Variants in DPYSL2 observed in about 807,000 individuals in gnomAD.
DPYSL2 encodes dihydropyrimidinase like 2.
DPYSL2 carries 13 observed loss-of-function variants against 69.9 expected under a neutral mutation model. That is an observed-to-expected ratio of 0.19 (90% CI 0.12 to 0.30). DPYSL2 has a LOEUF of 0.30. Ranked by LOEUF, DPYSL2 falls within the 10% of genes least tolerant of loss-of-function variation. The pLI, the probability that DPYSL2 is intolerant of heterozygous loss-of-function variation, is 1.00. For missense variants in DPYSL2, 587 were observed against 918.9 expected, an observed-to-expected ratio of 0.64 and a Z score of 4.67; for synonymous variants, 326 against 359.1, an observed-to-expected ratio of 0.91 and a Z score of 1.04.
intron 7 of DPYSL2, among the ~76,000 whole-genome samples, chr8:26,629,833 T>C (rs2129924635): frequency 6.6e-6 from 1 of 152,340 alleles, no homozygotes; most frequent in East Asian, 1.9e-4. Flanking sequence ...GGGCTCAAGC[T>C]ATCCTCCCAC....
intron 3 of DPYSL2, among the ~76,000 whole-genome samples, chr8:26,606,224 T>C: frequency 6.6e-6 from 1 of 152,306 alleles, no homozygotes; most frequent in South Asian, 2.1e-4. Context: ...ATTCATAGTA[T>C]TATATTAGAA....
intron 11 of DPYSL2, among the ~76,000 whole-genome samples, chr8:26,649,925 G>A (rs1205547432): frequency 6.6e-6 from 1 of 152,158 alleles, no homozygotes; most frequent in African/African-American, 2.4e-5. Flanking sequence ...GAGTCATGGG[G>A]CTGGTTCTTC....
rs1020968567 is a variant in DPYSL2 at position 26,650,677 on chromosome 8, A to G, written c.1597-1580A>G. 6.6e-6 allele frequency among the ~76,000 whole-genome samples: 1 copy of G among 152,234 alleles called. No individual in the cohort carries two copies. The highest frequency in any genetic ancestry group is 1.5e-5 in the Non-Finnish European group (1 of 68,036). On this transcript the variant is annotated intron_variant, in intron 11 of 13. Coordinates refer to ENST00000521913, the MANE Select transcript of DPYSL2 (RefSeq NM_001197293.3). The surrounding 1 kb of genome is among the most constrained non-coding windows in gnomAD (Gnocchi z 5.3). ...GAGGAGTCTCATAGGAGACTGGGCC[A>G]CCAAGGGCCAGCGTGTGCTTATTAT...
rs190790733 is a variant in DPYSL2, at chr8:26,607,580, A to G, written c.629-16563A>G. Reference sequence around the variant, plus strand: ...TGAGATGGAAGGATTGCTTGAGCCCAGAAATTCAAGACCAGCCTGGGAAGC... The same window carrying G: ...TGAGATGGAAGGATTGCTTGAGCCCGGAAATTCAAGACCAGCCTGGGAAGC... On this transcript the variant is annotated intron_variant, in intron 3 of 13. Transcript: ENST00000521913. Among the ~76,000 whole-genome samples the G allele has an allele frequency of 1.7e-3, 257 of 151,982 alleles. 1 individual carries two copies. Among genetic ancestry groups the G allele is most frequent in the African/African-American group, 5.5e-3 (228 of 41,436 alleles).
At chr8:26,520,718 G>A (rs955809602) in intron 1 of DPYSL2, among the ~76,000 whole-genome samples, 4 of 152,122 alleles carry the variant, frequency 2.6e-5, no homozygotes, top group African/African-American at 9.7e-5. Context: ...CATTGTCTTA[G>A]GCTGTGACAA....
chr8:26,653,214 G>A lies in DPYSL2; in HGVS notation c.1777-18G>A, dbSNP rs754236747. On this transcript the variant is annotated intron_variant, in intron 12 of 13. Coordinates refer to ENST00000521913, the MANE Select transcript of DPYSL2 (RefSeq NM_001197293.3). This position sits in a 1 kb window ranked among gnomAD's most constrained non-coding sequence, Gnocchi z 5.7. Reference sequence around the variant, plus strand: ...CTGTGGCTGTGGCCTGAGCTGGGGGGACTCTTGTGTTTTGCAGCTGGCTGA... The same window carrying A: ...CTGTGGCTGTGGCCTGAGCTGGGGGAACTCTTGTGTTTTGCAGCTGGCTGA... The A allele has an allele frequency of 4.3e-6, 7 of 1,611,780 alleles. No individual in the cohort carries two copies. Among genetic ancestry groups the A allele is most frequent in the African/African-American group, 2.7e-5 (2 of 74,886 alleles).
chr8:26,579,857 T>G (rs576949706), intron 1 of DPYSL2, among the ~76,000 whole-genome samples: 1 of 146,452 alleles, frequency 6.8e-6, no homozygotes, highest in Non-Finnish European at 1.5e-5. Flanking sequence ...TCTTCGTGAA[T>G]GAACAAGGCA....
chr8:26,529,276 CATCT>C (rs1554531947), intron 1 of DPYSL2, among the ~76,000 whole-genome samples: 2,873 of 136,100 alleles, frequency 0.021, 61 homozygotes, highest in African/African-American at 0.04. Flanking sequence ...ATCTATCTAT[CATCT>C]ATCTATCTAT....
chr8:26,592,200 C>T (rs548253211), intron 3 of DPYSL2, among the ~76,000 whole-genome samples: 41 of 152,302 alleles, frequency 2.7e-4, no homozygotes, highest in Non-Finnish European at 3.7e-4. Flanking sequence ...CTCACTCTAT[C>T]ACCCAGGCTG....
rs1289856680 is a variant in DPYSL2 at position 26,517,914 on chromosome 8, C to A, written c.354+3235C>A. ...TTGAATCTCTTCTGGCCCTGGGAGC[C>A]CAGTGCTGTGCTGCCCTCTAACTGT... On this transcript the variant is annotated intron_variant, in intron 1 of 13. Coordinates refer to ENST00000521913, the MANE Select transcript of DPYSL2 (RefSeq NM_001197293.3). This position sits in a 1 kb window ranked among gnomAD's most constrained non-coding sequence, Gnocchi z 4.2. Among the ~76,000 whole-genome samples, 3 of 152,202 alleles carry A rather than the reference C, an allele frequency of 2.0e-5. No individual in the cohort carries two copies. Among genetic ancestry groups the A allele is most frequent in the Non-Finnish European group, 4.4e-5 (3 of 68,040 alleles).
chr8:26,640,468 G>T lies in DPYSL2; in HGVS notation c.1127-2971G>T, dbSNP rs1357628700. 6.6e-6 allele frequency among the ~76,000 whole-genome samples: 1 copy of T among 152,136 alleles called. No individual in the cohort carries two copies. The highest frequency in any genetic ancestry group is 6.5e-5 in the Admixed American group (1 of 15,268). On this transcript the variant is annotated intron_variant, in intron 8 of 13. Coordinates refer to ENST00000521913, the MANE Select transcript of DPYSL2 (RefSeq NM_001197293.3). This position sits in a 1 kb window ranked among gnomAD's most constrained non-coding sequence, Gnocchi z 4.2. ...TTATTATTAGTGGTAATTATTTCTG[G>T]CATGCAGTTCAAGGGTGTCTGTGGC...
chr8:26,555,945 T>C (rs912501892), intron 1 of DPYSL2, among the ~76,000 whole-genome samples: 2 of 128,182 alleles, frequency 1.6e-5, no homozygotes, highest in Non-Finnish European at 3.1e-5. Flanking sequence ...ATACTATATA[T>C]ACATATACAT....
chr8:26,550,331 G>A (rs1800854006), intron 1 of DPYSL2, among the ~76,000 whole-genome samples: 1 of 151,980 alleles, frequency 6.6e-6, no homozygotes, highest in African/African-American at 2.4e-5. Flanking sequence ...GTTACATAAA[G>A]TAATCAATTA....
Position 26,643,909 on chromosome 8 carries a change from T to C in DPYSL2, c.1284-41T>C. On this transcript the variant is annotated intron_variant, in intron 9 of 13. Coordinates refer to ENST00000521913, the MANE Select transcript of DPYSL2 (RefSeq NM_001197293.3). This position sits in a 1 kb window ranked among gnomAD's most constrained non-coding sequence, Gnocchi z 6.5. The stretch of plus-strand genomic sequence containing the variant: ...CAAATAGGTGTAGGCGCACAGCATC[T>C]TGACGAAGCTGCAGCACCACGTTAT... 1.3e-6 allele frequency: 2 copies of C among 1,599,588 alleles called. No individual in the cohort carries two copies. The highest frequency in any genetic ancestry group is 3.4e-5 in the Admixed American group (2 of 58,912).
In DPYSL2 at chr8:26,640,231, C is replaced by T. The variant is rs908617751; in HGVS notation, c.1127-3208C>T. On this transcript the variant is annotated intron_variant, in intron 8 of 13. Transcript: ENST00000521913. The surrounding 1 kb of genome is among the most constrained non-coding windows in gnomAD (Gnocchi z 4.2). ...TCCATTTATTCTTCATGAATGCACA[C>T]GGGCCCCAGACTGGTTGTAAATAAG... Among the ~76,000 whole-genome samples the T allele has an allele frequency of 7.2e-5, 11 of 152,202 alleles. No homozygotes were observed. Among genetic ancestry groups the T allele is most frequent in the South Asian group, 2.1e-4 (1 of 4,824 alleles).
In DPYSL2 at chr8:26,652,417, G is replaced by T; in HGVS notation, c.1757G>T (p.Arg586Leu). The T allele has an allele frequency of 6.2e-7, 1 of 1,613,066 alleles. No homozygotes were observed. The highest frequency in any genetic ancestry group is 8.5e-7 in the Non-Finnish European group (1 of 1,179,512). The stretch of plus-strand genomic sequence containing the variant: ...CCCTTCCCTGATTTTGTTTACAAGC[G>T]TATCAAGGCAAGGAGCAGGGTGAGT... ...RKPFPDFVYK[R>L]IKARSRLAEL... The change falls in exon 12 of 14, where the codon CGT becomes CTT. Residue 586 changes from arginine to leucine, a missense_variant. Arg to Leu is a moderately radical substitution (Grantham distance 102). This residue lies in a region of DPYSL2 where 452 missense variants were observed against 754.3 expected (regional missense o/e 0.60). Transcript: ENST00000521913. The surrounding 1 kb of genome is among the most constrained non-coding windows in gnomAD (Gnocchi z 6.3).
intron 1 of DPYSL2, among the ~76,000 whole-genome samples, chr8:26,540,524 A>G (rs931743329): frequency 5.3e-5 from 8 of 152,216 alleles, no homozygotes; most frequent in African/African-American, 1.7e-4. Flanking sequence ...AAAGATCCCC[A>G]AATAGGATCA....
chr8:26,622,252 G>A (rs1051576316), intron 3 of DPYSL2, among the ~76,000 whole-genome samples: 1 of 149,962 alleles, frequency 6.7e-6, no homozygotes, highest in Non-Finnish European at 1.5e-5. Flanking sequence ...GAATTATTTT[G>A]TCAACTTTTC....
At chr8:26,556,092 ATAAATTATATATAG>A (rs1800946282) in intron 1 of DPYSL2, among the ~76,000 whole-genome samples, 2 of 59,636 alleles carry the variant, frequency 3.4e-5, no homozygotes, top group African/African-American at 1.2e-4. Flanking sequence ...TATATACTAT[ATAAATTATATATAG>A]TATATATATA....
Sources: gnomAD v4.1 joint callset for allele counts (sites outside exome capture counted in the v4.1 genomes callset) on GRCh38, gnomAD v4.1.1 for gene constraint, gnomAD v4.1.1 regional missense constraint, Gnocchi (gnomAD v3.1) non-coding constraint, MANE v1.5 for transcripts, NCBI Gene and HGNC (gene_info 2026-07-23, HGNC 2026-07-21) for gene names.